The following LSMEM2 variants were observed in gnomAD, a reference collection of about 807,000 sequenced individuals.
LSMEM2 encodes the protein leucine rich single-pass membrane protein 2.
Under a neutral mutation model 17.3 loss-of-function variants are expected in LSMEM2, and 20 were observed. That is an observed-to-expected ratio of 1.16 (90% CI 0.81 to 1.68). The LOEUF (loss-of-function observed/expected upper bound fraction) is 1.68. Ranked by LOEUF, LSMEM2 falls within the 40% of genes most tolerant of loss-of-function variation. The probability of loss-of-function intolerance (pLI) is 0.00; values close to 1 mark genes in which losing one functional copy is unlikely to be tolerated. For synonymous variants in LSMEM2, 94 were observed against 97.8 expected (o/e 0.96, Z 0.23); for missense variants, 207 against 214.3 (o/e 0.97, Z 0.21).
chr3:50,284,692 C>T (rs1211457387), intron 1 of LSMEM2, among the ~76,000 whole-genome samples: 1 of 152,052 alleles, frequency 6.6e-6, no homozygotes, highest in African/African-American at 2.4e-5. Context: ...GTGATCACTC[C>T]ACTGAACTCC....
chr3:50,282,043 G>C (rs759892670), intron 1 of LSMEM2, among the ~76,000 whole-genome samples: 160 of 151,564 alleles, frequency 1.1e-3, no homozygotes, highest in Non-Finnish European at 2.0e-3. Flanking sequence ...TAGTACAGAT[G>C]GGGTTTCACC....
Position 50,279,267 on chromosome 3 carries a change from C to G in LSMEM2, c.58+96C>G. On this transcript the variant is annotated intron_variant, in intron 1 of 3. Coordinates refer to ENST00000316436, the MANE Select transcript of LSMEM2 (RefSeq NM_153215.3). Reference sequence around the variant, plus strand: ...CCCTCTGTCCCACTGACCTCACTGTCTTGAGTAGTTAGTTACCCATTTTCA... The same window carrying G: ...CCCTCTGTCCCACTGACCTCACTGTGTTGAGTAGTTAGTTACCCATTTTCA... 1.4e-5 allele frequency: 16 copies of G among 1,149,842 alleles called. 1 individual carries two copies. In the South Asian group the frequency reaches 2.0e-4, roughly 15 times the overall value. The allele number at this position is 1,149,842 out of a possible 1,614,324, so 71.2% of individuals were successfully genotyped here.
chr3:50,286,940 G>C, intron 3 of LSMEM2, 78 bp downstream of exon 3: 1 of 1,586,828 alleles, frequency 6.3e-7, no homozygotes, highest in Non-Finnish European at 8.6e-7. Context: ...CAGCTGGAAG[G>C]AGTAACTGCA....
At position 50,287,128 on chromosome 3, in the gene LSMEM2, C is replaced by G; in HGVS notation, c.421C>G (p.Leu141Val). 6.2e-7 allele frequency: 1 copy of G among 1,614,176 alleles called. No individual in the cohort carries two copies. The highest frequency in any genetic ancestry group is 8.5e-7 in the Non-Finnish European group (1 of 1,180,026). ...AHTLRTQEET[L>V]LKLRLASLSQ... ...CACGCTCCGCACGCAGGAGGAGACA[C>G]TACTCAAACTCCGCTTGGCCAGCCT... Residue 141 changes from leucine to valine, a missense_variant, in exon 4 of 4, where the codon CTA (leucine) becomes GTA (valine). By Grantham distance (32) the Leu-to-Val change is conservative (BLOSUM62 1). Coordinates refer to ENST00000316436, the MANE Select transcript of LSMEM2 (RefSeq NM_153215.3).
Position 50,286,468 on chromosome 3 carries a change from C to T in LSMEM2, c.59-3C>T. The stretch of plus-strand genomic sequence containing the variant: ...GCTAAATCAGCCTGCGCTGCCCCTG[C>T]AGACTCCGTGGCGCCAATGATGCCC... On this transcript the variant is annotated splice_region_variant and splice_polypyrimidine_tract_variant and intron_variant, in intron 1 of 3. Coordinates refer to ENST00000316436, the MANE Select transcript of LSMEM2 (RefSeq NM_153215.3). The T allele has an allele frequency of 6.3e-7, 1 of 1,596,316 alleles. No individual in the cohort carries two copies. Among genetic ancestry groups the T allele is most frequent in the Non-Finnish European group, 8.5e-7 (1 of 1,172,794 alleles).
chr3:50,285,273 G>C (rs587739970), intron 1 of LSMEM2, among the ~76,000 whole-genome samples: 6 of 150,226 alleles, frequency 4.0e-5, no homozygotes, highest in African/African-American at 1.5e-4. Flanking sequence ...AGAGGTTGCA[G>C]TGAGCCGAGA....
chr3:50,283,276 G>A (rs1352059640), intron 1 of LSMEM2, among the ~76,000 whole-genome samples: 3 of 152,124 alleles, frequency 2.0e-5, no homozygotes, highest in Non-Finnish European at 2.9e-5. Context: ...TGGATTACCT[G>A]AGGTCAGGAG....
At chr3:50,287,006 G>A (rs1701563195) in intron 3 of LSMEM2, 63 bp from the exon 4 acceptor site, 2 of 1,603,676 alleles carry the variant, frequency 1.2e-6, no homozygotes, top group Admixed American at 3.4e-5. Flanking sequence ...CTGGTCCTGG[G>A]CTGGGTCTGC....
At position 50,286,870 on chromosome 3, in the gene LSMEM2, C is replaced by G; in HGVS notation, c.361+8C>G. On this transcript the variant is annotated splice_region_variant and intron_variant, in intron 3 of 3. Transcript: ENST00000316436. ...TGGCTGTCTACCTGAGCGGTATGGACGCATAGGGTGCTAGTAGGAATGGAA... is the reference window on the plus strand; with the variant it reads ...TGGCTGTCTACCTGAGCGGTATGGAGGCATAGGGTGCTAGTAGGAATGGAA... The G allele has an allele frequency of 6.2e-7, 1 of 1,612,950 alleles. No homozygotes were observed.
At position 50,287,146 on chromosome 3, in the gene LSMEM2, G is replaced by A; in HGVS notation, c.439G>A (p.Ala147Thr). Residue 147 changes from alanine to threonine, a missense_variant, in exon 4 of 4, where the codon GCC (alanine) becomes ACC (threonine). By Grantham distance (58) the Ala-to-Thr change is moderately conservative. Coordinates refer to ENST00000316436, the MANE Select transcript of LSMEM2 (RefSeq NM_153215.3). ...QEETLLKLRLASLSQLRRLNS... is the reference protein window; with the variant it reads ...QEETLLKLRLTSLSQLRRLNS... Reference sequence around the variant, plus strand: ...GGAGACACTACTCAAACTCCGCTTGGCCAGCCTCAGCCAGCTTCGGAGGCT... The same window carrying A: ...GGAGACACTACTCAAACTCCGCTTGACCAGCCTCAGCCAGCTTCGGAGGCT... The A allele has an allele frequency of 6.2e-7, 1 of 1,614,036 alleles. No individual in the cohort carries two copies. Among genetic ancestry groups the A allele is most frequent in the Non-Finnish European group, 8.5e-7 (1 of 1,180,004 alleles).
intron 2 of LSMEM2, 31 bp downstream of exon 2, chr3:50,286,615 C>T: frequency 6.2e-7 from 1 of 1,611,116 alleles, no homozygotes; most frequent in Non-Finnish European, 8.5e-7. Context: ...GGATGATGTG[C>T]TGGGGGAGGG....
Position 50,286,881 on chromosome 3 carries a change from C to T in LSMEM2, c.361+19C>T, listed in dbSNP as rs782104552. ...CTGAGCGGTATGGACGCATAGGGTG[C>T]TAGTAGGAATGGAAAGCAAGGCAGT... On this transcript the variant is annotated intron_variant, in intron 3 of 3. Coordinates refer to ENST00000316436, the MANE Select transcript of LSMEM2 (RefSeq NM_153215.3). 1 of 1,611,018 alleles carries T rather than the reference C, an allele frequency of 6.2e-7. No individual in the cohort carries two copies. Among genetic ancestry groups the T allele is most frequent in the Admixed American group, 1.7e-5 (1 of 59,824 alleles).
chr3:50,278,788 C>CCTTTGT (rs587759854), upstream of LSMEM2, among the ~76,000 whole-genome samples: 295 of 152,274 alleles, frequency 1.9e-3, 1 homozygote, highest in African/African-American at 6.4e-3. Flanking sequence ...GCACAGGCTT[C>CCTTTGT]CTTTGTCTGT....
At chr3:50,284,178 C>G (rs1553708104) in intron 1 of LSMEM2, among the ~76,000 whole-genome samples, 1 of 145,078 alleles carries the variant, frequency 6.9e-6, no homozygotes, top group African/African-American at 2.6e-5. Flanking sequence ...TGCACTCCAG[C>G]CTGGGCAACA....
At chr3:50,279,014 G>A (rs1701332369), upstream of LSMEM2, 3 of 1,263,894 alleles carry the variant, frequency 2.4e-6, no homozygotes, top group Non-Finnish European at 3.4e-6. Flanking sequence ...AGCCCAGTGG[G>A]CTGAGCTCAG....
chr3:50,279,128 C>T lies in LSMEM2; in HGVS notation c.15C>T (p.Ala5=). 2 of 1,614,150 alleles carry T rather than the reference C, an allele frequency of 1.2e-6. No homozygotes were observed. Among genetic ancestry groups the T allele is most frequent in the Non-Finnish European group, 1.7e-6 (2 of 1,180,014 alleles). ...CCTGCTACTGGATGCCATCATTGGC[C>T]CCCGACTGCCCACTGCTTGCCATGC... MPSL[A]PDCPLLAMPE... Residue 5 remains alanine, a synonymous_variant, in exon 1 of 4, where the codon GCC becomes GCT. Transcript: ENST00000316436.
At chr3:50,278,385 C>T (rs1168890320), upstream of LSMEM2, among the ~76,000 whole-genome samples, 1 of 152,184 alleles carries the variant, frequency 6.6e-6, no homozygotes, top group Non-Finnish European at 1.5e-5. Context: ...AGACCAAAAC[C>T]GTGGATTGTG....
At chr3:50,281,381 G>C (rs1387329957) in intron 1 of LSMEM2, among the ~76,000 whole-genome samples, 1 of 75,012 alleles carries the variant, frequency 1.3e-5, no homozygotes, top group African/African-American at 5.2e-5. Flanking sequence ...TTTTTTTTCT[G>C]AGACGGAGTC....
intron 1 of LSMEM2, among the ~76,000 whole-genome samples, chr3:50,285,248 T>C (rs1375198272): frequency 2.7e-5 from 4 of 146,888 alleles, no homozygotes; most frequent in Admixed American, 2.7e-4. Flanking sequence ...AGAGAACTGA[T>C]TGAACCCGGG....
Sources: allele counts gnomAD v4.1 joint callset (sites outside exome capture counted in the v4.1 genomes callset), GRCh38; gene constraint gnomAD v4.1.1; transcripts MANE v1.5; gene names NCBI Gene and HGNC (gene_info 2026-07-23, HGNC 2026-07-21).